The following RSU1 variants were observed in gnomAD, a reference collection of about 807,000 sequenced individuals.
RSU1 encodes the protein rsu-1.
RSU1 carries 26 observed loss-of-function variants against 31.1 expected under a neutral mutation model. The observed-to-expected ratio is 0.84, with a 90% CI of 0.61 to 1.16. The LOEUF (loss-of-function observed/expected upper bound fraction) is 1.16, where lower values mean the gene tolerates loss of function less well. Among genes scored for constraint, RSU1 ranks in the 50% most tolerant of loss-of-function variants. The pLI is 0.00. For missense variants in RSU1, 320 were observed against 339.1 expected (o/e 0.94, Z 0.44); for synonymous variants, 164 against 136.3 (o/e 1.20, Z -1.41).
At chr10:16,764,552 C>T (rs1564349309) in intron 3 of RSU1, 42 bp from the exon 4 acceptor site, 7 of 1,593,962 alleles carry the variant, frequency 4.4e-6, no homozygotes, top group Non-Finnish European at 4.3e-6. Flanking sequence ...GGGAATGGAA[C>T]TCCTAGCAAG....
chr10:16,697,427 C>T (rs951435828), intron 7 of RSU1, among the ~76,000 whole-genome samples: 6 of 152,058 alleles, frequency 3.9e-5, no homozygotes, highest in African/African-American at 7.2e-5. Flanking sequence ...GAGGCCAAGG[C>T]GGGTGGATCA....
At chr10:16,673,714 C>A (rs568643840) in intron 8 of RSU1, among the ~76,000 whole-genome samples, 50 of 152,334 alleles carry the variant, frequency 3.3e-4, no homozygotes, top group African/African-American at 1.1e-3. Flanking sequence ...CACACAGATG[C>A]TTCTCAATGG....
At chr10:16,731,429 CA>C (rs61458512) in intron 7 of RSU1, among the ~76,000 whole-genome samples, 2,844 of 95,450 alleles carry the variant, frequency 0.03, 29 homozygotes, top group East Asian at 0.088. Flanking sequence ...CACTCCGTCT[CA>C]AAAAAAAAAA....
intron 8 of RSU1, among the ~76,000 whole-genome samples, chr10:16,676,774 G>C (rs1302377831): frequency 6.6e-6 from 1 of 152,130 alleles, no homozygotes; most frequent in Non-Finnish European, 1.5e-5. Context: ...CTGTATAAAT[G>C]TGTGTTATAT....
chr10:16,637,880 G>A (rs1262726092), intron 8 of RSU1, among the ~76,000 whole-genome samples: 2 of 151,618 alleles, frequency 1.3e-5, no homozygotes, highest in African/African-American at 4.8e-5. Flanking sequence ...AAGAATAAAG[G>A]AACACAAAGA....
intron 7 of RSU1, among the ~76,000 whole-genome samples, chr10:16,717,239 C>G (rs1836161622): frequency 6.6e-6 from 1 of 152,114 alleles, no homozygotes; most frequent in Admixed American, 6.5e-5. Context: ...GTTACATTCT[C>G]TACAGAGGCT....
intron 7 of RSU1, 121 bp downstream of exon 7, chr10:16,752,418 C>T (rs1337466551): frequency 1.4e-6 from 1 of 716,214 alleles, no homozygotes; most frequent in Non-Finnish European, 2.4e-6. Flanking sequence ...AAATGATCAG[C>T]ATCGTGTGCC....
At chr10:16,633,614 G>A (rs928024042) in intron 8 of RSU1, among the ~76,000 whole-genome samples, 1 of 152,138 alleles carries the variant, frequency 6.6e-6, no homozygotes, top group East Asian at 1.9e-4. Context: ...TTGAGGTGGT[G>A]AGTCCCAGGT....
chr10:16,684,810 A>C (rs1474623759), intron 8 of RSU1, among the ~76,000 whole-genome samples: 1 of 152,202 alleles, frequency 6.6e-6, no homozygotes, highest in Non-Finnish European at 1.5e-5. Flanking sequence ...AGAAACACCC[A>C]AAAGCCACTG....
At chr10:16,760,043 T>C (rs1339735703) in intron 4 of RSU1, among the ~76,000 whole-genome samples, 1 of 152,194 alleles carries the variant, frequency 6.6e-6, no homozygotes, top group Non-Finnish European at 1.5e-5. Context: ...GTGAAACCCA[T>C]CTTAGCTCCT....
In RSU1 at chr10:16,774,429, G is replaced by T. The variant is rs572518705; in HGVS notation, c.160+7605C>A. Among the ~76,000 whole-genome samples, 12 of 152,146 alleles carry T rather than the reference G, an allele frequency of 7.9e-5. No individual in the cohort carries two copies. The East Asian group carries it at 2.3e-3, about 30-fold the overall frequency. ...TCTACTAAAAACAAAAACTAGCTGG[G>T]CATGGCAGTGCACACCTGTAGTCCC... On this transcript the variant is annotated intron_variant, in intron 3 of 8. Transcript: ENST00000345264.
intron 2 of RSU1, among the ~76,000 whole-genome samples, chr10:16,788,232 A>C (rs1156469066): frequency 6.6e-6 from 1 of 152,228 alleles, no homozygotes; most frequent in Non-Finnish European, 1.5e-5. Flanking sequence ...TTTCTCTCAT[A>C]GGCAGTCCAG....
chr10:16,764,988 G>C (rs568029972), intron 3 of RSU1, among the ~76,000 whole-genome samples: 22 of 150,794 alleles, frequency 1.5e-4, no homozygotes, highest in South Asian at 2.1e-4. Flanking sequence ...TGGCTAATGG[G>C]GGGGGAGAAA....
rs115102890 is a variant in RSU1 at position 16,698,585 on chromosome 10, T to C, written c.599-3430A>G. ...GTCAGCCATGTTCTCTGGGCCCTTTTGTCTGAAGCCTGTAACCCCCTGGAG... is the reference window on the plus strand; with the variant it reads ...GTCAGCCATGTTCTCTGGGCCCTTTCGTCTGAAGCCTGTAACCCCCTGGAG... On this transcript the variant is annotated intron_variant, in intron 7 of 8. Transcript: ENST00000345264. 8.5e-3 allele frequency among the ~76,000 whole-genome samples: 1,301 copies of C among 152,316 alleles called. 23 individuals are homozygous for C. Among genetic ancestry groups the C allele is most frequent in the African/African-American group, 0.026 (1,080 of 41,576 alleles).
At chr10:16,792,125 G>C (rs1837930795) in intron 2 of RSU1, among the ~76,000 whole-genome samples, 1 of 152,170 alleles carries the variant, frequency 6.6e-6, no homozygotes, top group Non-Finnish European at 1.5e-5. Flanking sequence ...TAAATGAAAG[G>C]TTCTGTAACG....
At chr10:16,735,439 C>T (rs921290546) in intron 7 of RSU1, among the ~76,000 whole-genome samples, 2 of 152,196 alleles carry the variant, frequency 1.3e-5, no homozygotes, top group African/African-American at 4.8e-5. Context: ...TACCTTTCCA[C>T]ATTGGCAGTT....
chr10:16,714,302 C>A (rs1836085326), intron 7 of RSU1, among the ~76,000 whole-genome samples: 1 of 152,150 alleles, frequency 6.6e-6, no homozygotes, highest in Admixed American at 6.5e-5. Flanking sequence ...GGAGCAGGTC[C>A]ACCACTGGCC....
At chr10:16,702,246 C>A (rs751300125) in intron 7 of RSU1, among the ~76,000 whole-genome samples, 1 of 152,220 alleles carries the variant, frequency 6.6e-6, no homozygotes. Context: ...AGAACCTCTA[C>A]TAGGGCAGTG....
At chr10:16,738,904 CCT>C (rs1836692923) in intron 7 of RSU1, among the ~76,000 whole-genome samples, 1 of 151,776 alleles carries the variant, frequency 6.6e-6, no homozygotes, top group South Asian at 2.1e-4. Context: ...TGTTCCCCTC[CCT>C]GTTGTCCCTG....
Sources: gnomAD v4.1 joint callset for allele counts (sites outside exome capture counted in the v4.1 genomes callset) on GRCh38, gnomAD v4.1.1 for gene constraint, MANE v1.5 for transcripts, NCBI Gene and HGNC (gene_info 2026-07-23, HGNC 2026-07-21) for gene names.